TBC1D1: variants seen among roughly 807,000 people sequenced by gnomAD.
TBC1D1 encodes TBC1 domain family member 1.
Under a neutral mutation model 125.6 loss-of-function variants are expected in TBC1D1, and 89 were observed. The observed-to-expected ratio is 0.71, with a 90% CI of 0.60 to 0.85. The LOEUF is 0.85. TBC1D1 is among the 40% of genes least tolerant of loss of function. TBC1D1 has a pLI of 0.00. For synonymous variants in TBC1D1, 565 were observed against 564.1 expected, an observed-to-expected ratio of 1.00 and a Z score of -0.02; for missense variants, 1,377 against 1,469.2, an observed-to-expected ratio of 0.94 and a Z score of 1.03.
At chr4:38,117,005 A>G (rs1763093271) in intron 16 of TBC1D1, among the ~76,000 whole-genome samples, 1 of 152,218 alleles carries the variant, frequency 6.6e-6, no homozygotes, top group Non-Finnish European at 1.5e-5. Flanking sequence ...CACTTTCCAC[A>G]TGTACTGTGA....
intron 2 of TBC1D1, among the ~76,000 whole-genome samples, chr4:37,931,181 C>T (rs1167488525): frequency 8.5e-5 from 13 of 152,286 alleles, no homozygotes; most frequent in Admixed American, 8.5e-4. Context: ...CTGCTCACTG[C>T]AGCCTCTGCC....
At chr4:37,920,629 G>A (rs1312136015) in intron 2 of TBC1D1, among the ~76,000 whole-genome samples, 1 of 152,184 alleles carries the variant, frequency 6.6e-6, no homozygotes, top group Non-Finnish European at 1.5e-5. Flanking sequence ...CAGGGCTGGA[G>A]CCATGCAGGT....
intron 8 of TBC1D1, among the ~76,000 whole-genome samples, chr4:38,038,125 A>C (rs1188134715): frequency 6.6e-6 from 1 of 152,178 alleles, no homozygotes; most frequent in African/African-American, 2.4e-5. Flanking sequence ...GGGGAAGAGC[A>C]GTCAAGCAGT....
At chr4:38,101,407 A>G (rs1267613753) in intron 14 of TBC1D1, among the ~76,000 whole-genome samples, 1 of 152,224 alleles carries the variant, frequency 6.6e-6, no homozygotes, top group South Asian at 2.1e-4. Flanking sequence ...TAGCTGAGTA[A>G]TGAGCTAAAG....
intron 2 of TBC1D1, among the ~76,000 whole-genome samples, chr4:37,937,939 A>T (rs2152299537): frequency 6.6e-6 from 1 of 152,310 alleles, no homozygotes; most frequent in South Asian, 2.1e-4. Flanking sequence ...CAGGGATGTA[A>T]TGACATCTAA....
At chr4:38,041,174 A>T (rs1748289159) in intron 8 of TBC1D1, among the ~76,000 whole-genome samples, 1 of 152,212 alleles carries the variant, frequency 6.6e-6, no homozygotes, top group South Asian at 2.1e-4. Context: ...TCATTAGTGA[A>T]TTAGGATTTC....
intron 15 of TBC1D1, among the ~76,000 whole-genome samples, chr4:38,114,008 C>T (rs918250102): frequency 2.6e-5 from 4 of 152,066 alleles, no homozygotes; most frequent in African/African-American, 9.7e-5. Flanking sequence ...GGGTCACATT[C>T]CAGTTCAGTT....
intron 11 of TBC1D1, among the ~76,000 whole-genome samples, chr4:38,051,111 A>G (rs1407571942): frequency 6.6e-6 from 1 of 152,216 alleles, no homozygotes; most frequent in East Asian, 1.9e-4. Flanking sequence ...TCCTGTCTGG[A>G]GAGTCCTAGT....
At chr4:38,106,854 T>C (rs1487417028) in intron 15 of TBC1D1, among the ~76,000 whole-genome samples, 1 of 152,106 alleles carries the variant, frequency 6.6e-6, no homozygotes, top group Non-Finnish European at 1.5e-5. Context: ...CACCACGGCC[T>C]CCCCTGCAGG....
intron 2 of TBC1D1, among the ~76,000 whole-genome samples, chr4:37,974,639 C>T (rs1406489539): frequency 1.3e-5 from 2 of 152,148 alleles, no homozygotes; most frequent in Non-Finnish European, 2.9e-5. Context: ...CTCACTGCAA[C>T]GTAGGCCTCC....
At chr4:38,011,033 C>T (rs1741370933) in intron 2 of TBC1D1, among the ~76,000 whole-genome samples, 1 of 152,156 alleles carries the variant, frequency 6.6e-6, no homozygotes, top group African/African-American at 2.4e-5. Context: ...AACGAGTGGA[C>T]ATTATGCCTT....
chr4:37,981,420 G>A (rs1414398780), intron 2 of TBC1D1, among the ~76,000 whole-genome samples: 4 of 152,140 alleles, frequency 2.6e-5, no homozygotes, highest in African/African-American at 9.7e-5. Context: ...ACCTATAATA[G>A]GTACTATTTG....
Position 38,066,891 on chromosome 4 carries a change from T to C in TBC1D1, c.2050+12553T>C, listed in dbSNP as rs1230322948. ...GTACTAACAAGATTTTTTTTTTCTT[T>C]TACCCCGATGGAGTCTCGCTCTGTC... is the stretch of plus-strand genomic sequence containing the variant. On this transcript the variant is annotated intron_variant, in intron 12 of 19. Transcript: ENST00000261439. Among the ~76,000 whole-genome samples, 5 of 152,190 alleles carry C rather than the reference T, an allele frequency of 3.3e-5. No individual in the cohort carries two copies. The East Asian group carries it at 9.6e-4, about 29-fold the overall frequency.
intron 12 of TBC1D1, 54 bp from the exon 15 acceptor site, chr4:38,089,878 A>G (rs780100271): frequency 8.0e-6 from 12 of 1,500,146 alleles, no homozygotes; most frequent in Non-Finnish European, 1.1e-5. Flanking sequence ...CTGTGTTTGA[A>G]TGTGCATTTT....
chr4:37,915,173 T>G (rs1410543078), intron 2 of TBC1D1, among the ~76,000 whole-genome samples: 1 of 152,222 alleles, frequency 6.6e-6, no homozygotes, highest in African/African-American at 2.4e-5. Flanking sequence ...GTTACCTTTT[T>G]GTATTAATTC....
intron 1 of TBC1D1, among the ~76,000 whole-genome samples, chr4:37,893,367 T>C (rs1286788555): frequency 1.3e-5 from 2 of 152,208 alleles, no homozygotes; most frequent in African/African-American, 4.8e-5. Flanking sequence ...CCTGTATATG[T>C]GTGGGTGCCT....
chr4:38,121,678 AAGG>A (rs1456512538), intron 17 of TBC1D1, among the ~76,000 whole-genome samples: 1 of 152,182 alleles, frequency 6.6e-6, no homozygotes, highest in African/African-American at 2.4e-5. Context: ...TCACTTTTCC[AAGG>A]AGAGTTATTG....
chr4:38,135,345 G>C (rs1211951985), intron 19 of TBC1D1, among the ~76,000 whole-genome samples: 1 of 152,166 alleles, frequency 6.6e-6, no homozygotes, highest in Admixed American at 6.5e-5. Context: ...TTGCATAGAC[G>C]TGCCAGATGG....
intron 2 of TBC1D1, among the ~76,000 whole-genome samples, chr4:37,945,709 A>T (rs914276662): frequency 2.6e-5 from 4 of 152,104 alleles, no homozygotes; most frequent in Admixed American, 2.0e-4. Context: ...TGCTTATAAC[A>T]TCCAGGATTC....
Sources: allele counts gnomAD v4.1 joint callset (sites outside exome capture counted in the v4.1 genomes callset), GRCh38; gene constraint gnomAD v4.1.1; transcripts MANE v1.5; gene names NCBI Gene and HGNC (gene_info 2026-07-23, HGNC 2026-07-21).